Variants in PDE4D observed in about 807,000 individuals in gnomAD.
PDE4D encodes phosphodiesterase 4D.
PDE4D carries 24 observed loss-of-function variants against 87.4 expected under a neutral mutation model. The observed-to-expected ratio is 0.27, with a 90% CI of 0.20 to 0.39. PDE4D has a LOEUF of 0.39. Among genes scored for constraint, PDE4D ranks in the 10% least tolerant of loss-of-function variants. The pLI is 1.00. For synonymous variants in PDE4D, 384 were observed against 383.2 expected, an observed-to-expected ratio of 1.00 and a Z score of -0.02; for missense variants, 714 against 1,041.0, an observed-to-expected ratio of 0.69 and a Z score of 4.32.
chr5:59,866,776 C>T (rs1747097158), intron 1 of PDE4D, among the ~76,000 whole-genome samples: 1 of 152,176 alleles, frequency 6.6e-6, no homozygotes, highest in Non-Finnish European at 1.5e-5. Context: ...TGAGGAGTCT[C>T]TGGAGGATGT....
chr5:59,430,402 C>G, intron 1 of PDE4D: 1 of 1,231,254 alleles, frequency 8.1e-7, no homozygotes. Context: ...GTACTCACAG[C>G]TGCTTGGCAA....
chr5:60,130,146 C>A (rs2149395957), intron 2 of PDE4D, among the ~76,000 whole-genome samples: 1 of 152,268 alleles, frequency 6.6e-6, no homozygotes, highest in Non-Finnish European at 1.5e-5. Flanking sequence ...TTGGCCTTCC[C>A]AGCTTCCAGA....
chr5:60,474,072 GTCTGGCTTACTGTCT>G (rs1748076745), intron 1 of PDE4D, among the ~76,000 whole-genome samples: 1 of 129,408 alleles, frequency 7.7e-6, no homozygotes, highest in African/African-American at 2.8e-5. Context: ...TGACCTCTGT[GTCTGGCTTACTGTCT>G]CAGTCCCTTT....
At chr5:59,563,816 G>A (rs530573158) in intron 1 of PDE4D, among the ~76,000 whole-genome samples, 51 of 152,326 alleles carry the variant, frequency 3.3e-4, no homozygotes, top group Non-Finnish European at 5.9e-4. Context: ...TTACTCCTAA[G>A]AAGAGATGCA....
intron 1 of PDE4D, among the ~76,000 whole-genome samples, chr5:59,591,659 A>G (rs1055139981): frequency 2.0e-5 from 3 of 152,188 alleles, no homozygotes; most frequent in Admixed American, 6.5e-5. Flanking sequence ...CAGTTCAGAT[A>G]TTTTTGGAAA....
At chr5:59,003,978 A>C (rs1047623209) in intron 6 of PDE4D, among the ~76,000 whole-genome samples, 1 of 150,414 alleles carries the variant, frequency 6.6e-6, no homozygotes, top group South Asian at 2.1e-4. Flanking sequence ...AAAAAAAAAA[A>C]ATCCATCCAT....
At chr5:60,448,204 T>C (rs1391576994) in intron 1 of PDE4D, among the ~76,000 whole-genome samples, 4 of 152,272 alleles carry the variant, frequency 2.6e-5, no homozygotes, top group African/African-American at 4.8e-5. Flanking sequence ...AAAGTTTTCA[T>C]TGATGATAAA....
chr5:59,514,616 C>G (rs1810851886), intron 1 of PDE4D, among the ~76,000 whole-genome samples: 1 of 152,174 alleles, frequency 6.6e-6, no homozygotes, highest in Non-Finnish European at 1.5e-5. Context: ...TAAGATTGAA[C>G]TAGTGAATCA....
intron 1 of PDE4D, among the ~76,000 whole-genome samples, chr5:59,439,075 G>A (rs770098970): frequency 1.3e-5 from 2 of 152,046 alleles, no homozygotes; most frequent in Non-Finnish European, 2.9e-5. Context: ...TGAATATGTT[G>A]GGGCTGGGTG....
intron 6 of PDE4D, among the ~76,000 whole-genome samples, chr5:59,010,199 C>T (rs1752490615): frequency 1.3e-5 from 2 of 151,990 alleles, no homozygotes; most frequent in Admixed American, 1.3e-4. Context: ...TGGTGGTGCA[C>T]TCATGTAATC....
chr5:59,239,520 G>A (rs904961511), intron 1 of PDE4D, among the ~76,000 whole-genome samples: 1 of 152,100 alleles, frequency 6.6e-6, no homozygotes, highest in African/African-American at 2.4e-5. Context: ...TAACAACAGA[G>A]AATGTACTAT....
intron 2 of PDE4D, among the ~76,000 whole-genome samples, chr5:60,158,184 G>A (rs1169187313): frequency 6.6e-6 from 1 of 152,094 alleles, no homozygotes; most frequent in East Asian, 1.9e-4. Flanking sequence ...TTACGTTGTT[G>A]TGTCAACATC....
chr5:60,392,535 T>C (rs1167177156), intron 1 of PDE4D, among the ~76,000 whole-genome samples: 1 of 152,202 alleles, frequency 6.6e-6, no homozygotes, highest in Admixed American at 6.5e-5. Flanking sequence ...TCATTCACTT[T>C]TGTAACTCTG....
At chr5:60,291,138 T>C (rs1752860040) in intron 1 of PDE4D, among the ~76,000 whole-genome samples, 1 of 152,206 alleles carries the variant, frequency 6.6e-6, no homozygotes, top group South Asian at 2.1e-4. Context: ...CATCTTGACA[T>C]GGATACAAAC....
chr5:58,988,008 G>T (rs536658850), intron 11 of PDE4D, among the ~76,000 whole-genome samples: 13 of 152,146 alleles, frequency 8.5e-5, no homozygotes, highest in African/African-American at 2.9e-4. Flanking sequence ...AAACCAAATG[G>T]TTGAAAAAAT....
At chr5:60,446,158 GA>G (rs1561266537) in intron 1 of PDE4D, among the ~76,000 whole-genome samples, 1 of 152,050 alleles carries the variant, frequency 6.6e-6, no homozygotes, top group Non-Finnish European at 1.5e-5. Context: ...TAAGATACGG[GA>G]AAATGTGCCC....
chr5:59,079,530 A>G (rs535186078), intron 5 of PDE4D, among the ~76,000 whole-genome samples: 1 of 152,188 alleles, frequency 6.6e-6, no homozygotes, highest in South Asian at 2.1e-4. Context: ...ATTCCTATAA[A>G]GAGATAGCAC....
chr5:59,672,412 T>C (rs964304934), intron 1 of PDE4D, among the ~76,000 whole-genome samples: 9 of 152,100 alleles, frequency 5.9e-5, no homozygotes, highest in African/African-American at 1.9e-4. Flanking sequence ...AAAACAAAGA[T>C]TCAATGCAGT....
intron 1 of PDE4D, among the ~76,000 whole-genome samples, chr5:59,771,510 GAAAGA>G (rs1763544989): frequency 7.3e-6 from 1 of 137,568 alleles, no homozygotes; most frequent in South Asian, 2.4e-4. Flanking sequence ...AAGAAAGAAA[GAAAGA>G]AAGAAAGAAA....
Sources: gnomAD v4.1 joint callset for allele counts (sites outside exome capture counted in the v4.1 genomes callset) on GRCh38, gnomAD v4.1.1 for gene constraint, MANE v1.5 for transcripts, NCBI Gene and HGNC (gene_info 2026-07-23, HGNC 2026-07-21) for gene names.